The following FBN2 variants were observed in gnomAD, a reference collection of about 807,000 sequenced individuals.
The protein encoded by FBN2 is fibrillin-2.
Under a neutral mutation model 355.6 loss-of-function variants are expected in FBN2, and 105 were observed. That is an observed-to-expected ratio of 0.30 (90% CI 0.25 to 0.35). The LOEUF (loss-of-function observed/expected upper bound fraction) is 0.35, where lower values mean the gene tolerates loss of function less well. Ranked by LOEUF, FBN2 falls within the 10% of genes least tolerant of loss-of-function variation. The pLI, the probability that FBN2 is intolerant of heterozygous loss-of-function variation, is 1.00. For synonymous variants in FBN2, 1,350 were observed against 1,301.2 expected (o/e 1.04, Z -0.81); for missense variants, 3,280 against 3,758.7 (o/e 0.87, Z 3.33).
At chr5:128,416,866 T>C (rs1753216276) in intron 7 of FBN2, among the ~76,000 whole-genome samples, 1 of 152,130 alleles carries the variant, frequency 6.6e-6, no homozygotes. Flanking sequence ...ATTTTAGGAT[T>C]GTTTTTTCTA....
At chr5:128,361,976 A>T (rs1751650999) in intron 18 of FBN2, 128 bp from the exon 19 acceptor site, 2 of 946,912 alleles carry the variant, frequency 2.1e-6, no homozygotes, top group Non-Finnish European at 3.4e-6. Context: ...TCTGTATCAC[A>T]GCGCACTCTT....
intron 7 of FBN2, among the ~76,000 whole-genome samples, chr5:128,434,394 GTATATATATA>G (rs6149234): frequency 0.22 from 20,176 of 91,672 alleles, 3,747 homozygotes; most frequent in African/African-American, 0.39. Flanking sequence ...AATAAAGTGT[GTATATATATA>G]TATATATATA....
In FBN2 at chr5:128,311,854, T is replaced by C. The variant is rs1477702330; in HGVS notation, c.4948+31A>G. ...CTCTATAATTAACTCTTTACCTTGT[T>C]TGAATCTGGGTGACAATGGGATTAG... On this transcript the variant is annotated intron_variant, in intron 38 of 64. Transcript: ENST00000262464. The C allele has an allele frequency of 1.9e-6, 3 of 1,539,134 alleles. No homozygotes were observed. In the South Asian group the frequency reaches 3.4e-5, roughly 17 times the overall value.
In FBN2 at chr5:128,263,518, G is replaced by C. The variant is rs776788539; in HGVS notation, c.8099C>G (p.Ser2700Trp). Residue 2700 changes from serine to tryptophan, a missense_variant, in exon 63 of 65, where the codon TCG (serine) becomes TGG (tryptophan). By Grantham distance (177) the Ser-to-Trp change is radical (BLOSUM62 -3). Coordinates refer to ENST00000262464, the MANE Select transcript of FBN2 (RefSeq NM_001999.4). The stretch of plus-strand genomic sequence containing the variant: ...GTAATTGCAGGGGTTCTTGGAGGAC[G>C]AGCACTCATTCACGTCGTGGCAGGC... ...SSACHDVNEC[S>W]SSKNPCNYGC... 3 of 1,614,108 alleles carry C rather than the reference G, an allele frequency of 1.9e-6. No homozygotes were observed. Among genetic ancestry groups the C allele is most frequent in the Middle Eastern group, 1.6e-4 (1 of 6,062 alleles).
At chr5:128,510,328 C>G (rs954307669) in intron 5 of FBN2, among the ~76,000 whole-genome samples, 1 of 152,202 alleles carries the variant, frequency 6.6e-6, no homozygotes, top group Non-Finnish European at 1.5e-5. Context: ...ATTCAAAGCT[C>G]TCCTGGGCTG....
chr5:128,444,601 G>T (rs1754018031), intron 7 of FBN2, among the ~76,000 whole-genome samples: 1 of 152,184 alleles, frequency 6.6e-6, no homozygotes. Context: ...GGCTGCCTGG[G>T]CAGGAAGCAA....
intron 5 of FBN2, among the ~76,000 whole-genome samples, chr5:128,500,707 G>A (rs1187974579): frequency 6.6e-6 from 1 of 151,972 alleles, no homozygotes; most frequent in Non-Finnish European, 1.5e-5. Context: ...GCCTCCTAAA[G>A]TGCTGGGATT....
chr5:128,337,431 G>GT (rs1284314925), intron 27 of FBN2, among the ~76,000 whole-genome samples: 4 of 152,218 alleles, frequency 2.6e-5, no homozygotes, highest in African/African-American at 9.6e-5. Flanking sequence ...TAGGAACATA[G>GT]TAAGTCCAGA....
At chr5:128,420,556 G>A (rs974880314) in intron 7 of FBN2, among the ~76,000 whole-genome samples, 1 of 151,978 alleles carries the variant, frequency 6.6e-6, no homozygotes, top group Non-Finnish European at 1.5e-5. Flanking sequence ...ATTGATCAAA[G>A]GTATTTTTTA....
At position 128,537,599 on chromosome 5, in the gene FBN2, C is replaced by T. The variant is rs976599275; in HGVS notation, c.5G>A (p.Gly2Glu). The change falls in exon 1 of 65, where the codon GGG becomes GAG. Residue 2 changes from glycine (G) to glutamate (E), a missense_variant. Coordinates refer to ENST00000262464, the MANE Select transcript of FBN2 (RefSeq NM_001999.4). The stretch of plus-strand genomic sequence containing the variant: ...CTGGAGACACAGCCTCCGTCTTCTC[C>T]CCATCGCCGGCGCCGAAAGCGCGCG... Reference protein sequence around the residue: MGRRRRLCLQLY... With the variant: MERRRRLCLQLY... The T allele has an allele frequency of 3.7e-6, 6 of 1,607,290 alleles. No individual in the cohort carries two copies. Among genetic ancestry groups the T allele is most frequent in the African/African-American group, 1.3e-5 (1 of 74,838 alleles).
chr5:128,335,708 T>G lies in FBN2; in HGVS notation c.3725-131A>C, dbSNP rs181205880. On this transcript the variant is annotated intron_variant, in intron 28 of 64. Transcript: ENST00000262464. The stretch of plus-strand genomic sequence containing the variant: ...CTATGTGTGTTGATTGAACATTATC[T>G]TTCTTAGTTCTTTCACCTTCATTTT... 3.5e-4 allele frequency: 402 copies of G among 1,144,038 alleles called. 1 individual carries two copies. The highest frequency in any genetic ancestry group is 7.2e-4 in the South Asian group (58 of 80,592). The allele number at this position is 1,144,038 out of a possible 1,614,324, so 70.9% of individuals were successfully genotyped here.
chr5:128,474,697 A>G (rs1754962387), intron 5 of FBN2, among the ~76,000 whole-genome samples: 1 of 152,200 alleles, frequency 6.6e-6, no homozygotes, highest in Non-Finnish European at 1.5e-5. Context: ...AATACATGCT[A>G]CTGAGTCAAT....
At chr5:128,375,234 AAG>A (rs1752050797) in intron 14 of FBN2, among the ~76,000 whole-genome samples, 1 of 152,236 alleles carries the variant, frequency 6.6e-6, no homozygotes, top group East Asian at 1.9e-4. Context: ...CAAAAGATGA[AAG>A]AGACTTCAAA....
At chr5:128,494,433 T>G (rs1046496286) in intron 5 of FBN2, among the ~76,000 whole-genome samples, 1 of 152,154 alleles carries the variant, frequency 6.6e-6, no homozygotes. Context: ...AGCTAAGAAG[T>G]CTTTTTGGAG....
At position 128,300,492 on chromosome 5, in the gene FBN2, T is replaced by TA. The variant is rs1268771853; in HGVS notation, c.6166+324_6166+325insT. On this transcript the variant is annotated intron_variant, in intron 48 of 64. Transcript: ENST00000262464. ...ACACCTTTAATAGCTGTTTTAAAAC[T>TA]GGGTGCCAAAGATTACAATTTTTGT... Among the ~76,000 whole-genome samples, 17 of 152,354 alleles carry TA rather than the reference T, an allele frequency of 1.1e-4. No individual in the cohort carries two copies. In the East Asian group the frequency reaches 3.3e-3, roughly 29 times the overall value.
intron 34 of FBN2, among the ~76,000 whole-genome samples, chr5:128,327,889 C>T (rs562975526): frequency 3.6e-4 from 55 of 152,282 alleles, no homozygotes; most frequent in African/African-American, 7.5e-4. Context: ...CCACCTGCTT[C>T]GGCCTCCCAA....
chr5:128,299,165 C>T (rs1385288296), intron 48 of FBN2, among the ~76,000 whole-genome samples: 4 of 151,924 alleles, frequency 2.6e-5, no homozygotes, highest in Non-Finnish European at 4.4e-5. Context: ...GGTCAGGGAC[C>T]CACTTGAGGA....
intron 5 of FBN2, among the ~76,000 whole-genome samples, chr5:128,485,206 A>G (rs1465207836): frequency 6.6e-6 from 1 of 151,714 alleles, no homozygotes. Flanking sequence ...TATTTTTTGT[A>G]GAGACAGGGT....
chr5:128,276,213 C>A lies in FBN2; in HGVS notation c.7472-53G>T, dbSNP rs1295193625. 7.7e-6 allele frequency: 12 copies of A among 1,564,178 alleles called. No homozygotes were observed. In the East Asian group the frequency reaches 1.8e-4, roughly 23 times the overall value. On this transcript the variant is annotated intron_variant, in intron 58 of 64. Transcript: ENST00000262464. ...TTACTGGTTAAAAGAAACAACCAGA[C>A]TCTTTCCTCCTTCCATATTCTCACT...
Sources: allele counts gnomAD v4.1 joint callset (sites outside exome capture counted in the v4.1 genomes callset), GRCh38; gene constraint gnomAD v4.1.1; transcripts MANE v1.5; gene names NCBI Gene and HGNC (gene_info 2026-07-23, HGNC 2026-07-21).